Variants in BIRC2 observed in about 807,000 individuals in gnomAD.
The protein encoded by BIRC2 is baculoviral IAP repeat containing 2.
BIRC2 carries 18 observed loss-of-function variants against 60.9 expected under a neutral mutation model. The observed-to-expected ratio is 0.30, with a 90% confidence interval of 0.20 to 0.44. The LOEUF (loss-of-function observed/expected upper bound fraction) is 0.44, where lower values mean the gene tolerates loss of function less well. BIRC2 is among the 20% of genes least tolerant of loss of function. BIRC2 has a pLI of 1.00. For missense variants in BIRC2, 701 were observed against 728.5 expected (o/e 0.96, Z 0.43); for synonymous variants, 282 against 247.7 (o/e 1.14, Z -1.30).
Position 102,363,648 on chromosome 11 carries a change from A to G in BIRC2, c.1075-20A>G. ...TGGGGATATCTGCTTTTACCTATTA[A>G]CTTTTCTCTTGTTTCATAGCTGTTG... On this transcript the variant is annotated intron_variant, in intron 4 of 8. Transcript: ENST00000227758. The G allele has an allele frequency of 1.9e-6, 3 of 1,605,394 alleles. No homozygotes were observed. Among genetic ancestry groups the G allele is most frequent in the Non-Finnish European group, 2.6e-6 (3 of 1,172,870 alleles).
chr11:102,353,530 C>G (rs940560685), intron 3 of BIRC2, among the ~76,000 whole-genome samples: 4 of 152,066 alleles, frequency 2.6e-5, no homozygotes, highest in African/African-American at 9.7e-5. Flanking sequence ...GTTGGCCAGT[C>G]TAGTCTCAAA....
chr11:102,364,166 TATATATATACACAC>T (rs1416011293), intron 5 of BIRC2, among the ~76,000 whole-genome samples: 3 of 84,056 alleles, frequency 3.6e-5, no homozygotes, highest in African/African-American at 1.8e-4. Flanking sequence ...TATATATATA[TATATATATACACAC>T]ACACACAGAG....
At chr11:102,360,437 C>T (rs1479618150) in intron 3 of BIRC2, among the ~76,000 whole-genome samples, 2 of 151,276 alleles carry the variant, frequency 1.3e-5, no homozygotes, top group Non-Finnish European at 2.9e-5. Context: ...TATTGATGCT[C>T]TCTATTGCAT....
At chr11:102,358,396 TC>T (rs1277763132) in intron 3 of BIRC2, among the ~76,000 whole-genome samples, 2 of 152,180 alleles carry the variant, frequency 1.3e-5, no homozygotes, top group African/African-American at 4.8e-5. Flanking sequence ...AGGCAGGTAT[TC>T]CCAAATCTAA....
At chr11:102,375,890 C>T (rs1482944597) in intron 6 of BIRC2, among the ~76,000 whole-genome samples, 2 of 151,900 alleles carry the variant, frequency 1.3e-5, no homozygotes, top group Non-Finnish European at 2.9e-5. Flanking sequence ...GTATGACTCC[C>T]ATAGGGTTGC....
rs1203017518 is a variant in BIRC2 at position 102,368,421 on chromosome 11, T to C, written c.1239T>C (p.Val413=). 3.7e-6 allele frequency: 6 copies of C among 1,614,002 alleles called. No individual in the cohort carries two copies. The highest frequency in any genetic ancestry group is 5.1e-6 in the Non-Finnish European group (6 of 1,179,966). The stretch of plus-strand genomic sequence containing the variant: ...ATAGAGACCTGGTGAAACAAACAGT[T>C]CAAAGTAAAATCCTGACAACTGGAG... ...GFNRDLVKQT[V]QSKILTTGEN... Residue 413 remains valine (V), a synonymous_variant, in exon 6 of 9, where the codon GTT becomes GTC. Transcript: ENST00000227758.
chr11:102,372,349 A>C (rs1774287769), intron 6 of BIRC2, among the ~76,000 whole-genome samples: 1 of 152,262 alleles, frequency 6.6e-6, no homozygotes, highest in African/African-American at 2.4e-5. Flanking sequence ...AATGTGTCCC[A>C]GAGATTCTGG....
chr11:102,373,356 AG>A (rs1182133395), intron 6 of BIRC2, among the ~76,000 whole-genome samples: 21 of 152,280 alleles, frequency 1.4e-4, no homozygotes, highest in Non-Finnish European at 2.2e-4. Flanking sequence ...CTTTTAGGGC[AG>A]GCCTGGTGGT....
chr11:102,375,743 GCA>G, intron 6 of BIRC2, among the ~76,000 whole-genome samples: 1 of 147,698 alleles, frequency 6.8e-6, no homozygotes, highest in South Asian at 2.1e-4. Context: ...TCGTGCCCCT[GCA>G]CTCCAGCCTG....
At chr11:102,375,779 CAAAAAAAAA>C (rs1278393063) in intron 6 of BIRC2, among the ~76,000 whole-genome samples, 2 of 74,752 alleles carry the variant, frequency 2.7e-5, no homozygotes, top group Non-Finnish European at 5.3e-5. Flanking sequence ...GACTCCATCT[CAAAAAAAAA>C]AAAAAAAAAA....
chr11:102,376,087 T>G (rs1274794271), intron 6 of BIRC2, among the ~76,000 whole-genome samples: 5 of 152,160 alleles, frequency 3.3e-5, no homozygotes, highest in African/African-American at 1.2e-4. Context: ...TAAGGTTATA[T>G]GAAATCACTG....
intron 6 of BIRC2, among the ~76,000 whole-genome samples, chr11:102,369,142 TA>T (rs1413551845): frequency 2.8e-5 from 3 of 105,432 alleles, no homozygotes; most frequent in African/African-American, 8.6e-5. Flanking sequence ...ATTCCTTCAA[TA>T]AATTTTTTTT....
intron 3 of BIRC2, among the ~76,000 whole-genome samples, chr11:102,354,031 T>A (rs1321842050): frequency 1.3e-5 from 2 of 152,078 alleles, no homozygotes; most frequent in Non-Finnish European, 2.9e-5. Context: ...CCTCCAAATA[T>A]GTGGGTTTCA....
chr11:102,351,630 AAAAAAAAG>A (rs1276504595), intron 3 of BIRC2, among the ~76,000 whole-genome samples: 2 of 150,346 alleles, frequency 1.3e-5, no homozygotes, highest in Non-Finnish European at 3.0e-5. Flanking sequence ...AAAAAAAAAA[AAAAAAAAG>A]AAAAAAGCAT....
chr11:102,364,856 A>G (rs1951535816), intron 5 of BIRC2, among the ~76,000 whole-genome samples: 2 of 152,370 alleles, frequency 1.3e-5, no homozygotes, highest in Admixed American at 1.3e-4. Context: ...TAATAGACCT[A>G]GAAAAGATAG....
chr11:102,358,752 A>T (rs1330174993), intron 3 of BIRC2, among the ~76,000 whole-genome samples: 1 of 152,026 alleles, frequency 6.6e-6, no homozygotes, highest in Non-Finnish European at 1.5e-5. Context: ...ACAGTTTTTG[A>T]TGTAAAGTCT....
intron 3 of BIRC2, among the ~76,000 whole-genome samples, chr11:102,362,340 C>G (rs1591537593): frequency 6.6e-6 from 1 of 152,146 alleles, no homozygotes; most frequent in East Asian, 1.9e-4. Flanking sequence ...GGTATGTGAA[C>G]TTCTTGGAAC....
rs777517884 is a variant in BIRC2 at position 102,350,244 on chromosome 11, A to C, written c.390A>C (p.Pro130=). ...SLGSTSKNTS[P]MRNSFAHSLS... is the part of the protein sequence containing the mutation. ...GATCCACCTCTAAGAATACGTCTCC[A>C]ATGAGAAACAGTTTTGCACATTCAT... Residue 130 remains proline, a synonymous_variant, in exon 2 of 9, where the codon CCA becomes CCC. Coordinates refer to ENST00000227758, the MANE Select transcript of BIRC2 (RefSeq NM_001166.5). The C allele has an allele frequency of 6.2e-7, 1 of 1,614,244 alleles. No homozygotes were observed. The highest frequency in any genetic ancestry group is 1.7e-5 in the Admixed American group (1 of 60,032).
At chr11:102,367,394 T>C (rs1479859068) in intron 5 of BIRC2, among the ~76,000 whole-genome samples, 1 of 152,100 alleles carries the variant, frequency 6.6e-6, no homozygotes, top group Non-Finnish European at 1.5e-5. Context: ...CCTCAAGGCA[T>C]GCGCTTAAAA....
Sources: allele counts gnomAD v4.1 joint callset (sites outside exome capture counted in the v4.1 genomes callset), GRCh38; gene constraint gnomAD v4.1.1; transcripts MANE v1.5; gene names NCBI Gene and HGNC (gene_info 2026-07-23, HGNC 2026-07-21).